The following PSMB7 variants were observed in gnomAD, a reference collection of about 807,000 sequenced individuals.
The protein encoded by PSMB7 is proteasome 20S subunit beta 7.
Under a neutral mutation model 28.1 loss-of-function variants are expected in PSMB7, and 5 were observed. The ratio of observed to expected loss-of-function variants is 0.18; its 90% CI spans 0.09 to 0.37. The LOEUF is 0.37. PSMB7 is among the 10% of genes least tolerant of loss of function. PSMB7 has a pLI of 1.00. For synonymous variants in PSMB7, 122 were observed against 123.7 expected, an observed-to-expected ratio of 0.99 and a Z score of 0.09; for missense variants, 275 against 346.2, an observed-to-expected ratio of 0.79 and a Z score of 1.63.
chr9:124,369,413 T>A (rs1830539719), intron 6 of PSMB7, among the ~76,000 whole-genome samples: 1 of 152,164 alleles, frequency 6.6e-6, no homozygotes, highest in Non-Finnish European at 1.5e-5. Context: ...CATCTCCCAA[T>A]TACACTGCAA....
intron 5 of PSMB7, among the ~76,000 whole-genome samples, chr9:124,399,009 C>CAAAAA (rs34386702): frequency 7.7e-6 from 1 of 129,300 alleles, no homozygotes; most frequent in Non-Finnish European, 1.6e-5. Context: ...AAGCTTTAAC[C>CAAAAA]AAAAAAAAAA....
At chr9:124,401,477 G>C (rs1348602135) in intron 5 of PSMB7, among the ~76,000 whole-genome samples, 5 of 152,252 alleles carry the variant, frequency 3.3e-5, no homozygotes, top group Non-Finnish European at 7.3e-5. Flanking sequence ...CTCCGCACTA[G>C]TGATGCTTAA....
chr9:124,393,417 T>A (rs958486689), intron 5 of PSMB7, among the ~76,000 whole-genome samples: 3 of 152,226 alleles, frequency 2.0e-5, no homozygotes, highest in African/African-American at 7.2e-5. Flanking sequence ...CACTGAGTAT[T>A]ACATTTAAAC....
chr9:124,399,803 T>C (rs147490931), intron 5 of PSMB7, among the ~76,000 whole-genome samples: 1 of 152,234 alleles, frequency 6.6e-6, no homozygotes, highest in Non-Finnish European at 1.5e-5. Flanking sequence ...CACCACTGGA[T>C]TCGTCCTCAC....
intron 5 of PSMB7, among the ~76,000 whole-genome samples, chr9:124,385,560 G>C (rs917785198): frequency 1.4e-4 from 22 of 152,228 alleles, no homozygotes; most frequent in Non-Finnish European, 5.9e-5. Flanking sequence ...CTTTTGGAGA[G>C]AGGATAGAGT....
At chr9:124,399,665 C>T (rs1304805649) in intron 5 of PSMB7, among the ~76,000 whole-genome samples, 1 of 152,182 alleles carries the variant, frequency 6.6e-6, no homozygotes, top group African/African-American at 2.4e-5. Flanking sequence ...ACACTGCAGC[C>T]AAGAGCCGCA....
At chr9:124,412,635 G>T in intron 3 of PSMB7, 143 bp from the exon 4 acceptor site, 4 of 789,394 alleles carry the variant, frequency 5.1e-6, no homozygotes, top group Non-Finnish European at 5.8e-6. Flanking sequence ...TCTCTGTTTA[G>T]TCAACCTTAA....
intron 6 of PSMB7, among the ~76,000 whole-genome samples, chr9:124,363,536 T>C (rs1217168833): frequency 1.3e-5 from 2 of 152,162 alleles, no homozygotes; most frequent in Admixed American, 6.5e-5. Flanking sequence ...TGTCTAGAGT[T>C]TGGAGTTTGG....
At chr9:124,395,115 A>T (rs991516931) in intron 5 of PSMB7, among the ~76,000 whole-genome samples, 2 of 152,222 alleles carry the variant, frequency 1.3e-5, no homozygotes, top group Non-Finnish European at 2.9e-5. Context: ...ATCTCACTTC[A>T]TGCTCACACA....
intron 5 of PSMB7, among the ~76,000 whole-genome samples, chr9:124,387,012 C>G (rs149188260): frequency 6.6e-6 from 1 of 152,064 alleles, no homozygotes; most frequent in African/African-American, 2.4e-5. Flanking sequence ...TTTGGGAGGC[C>G]GAGGTGGGCG....
intron 6 of PSMB7, among the ~76,000 whole-genome samples, chr9:124,360,663 C>A (rs868679632): frequency 3.9e-5 from 6 of 152,350 alleles, no homozygotes; most frequent in Middle Eastern, 3.4e-3. Context: ...ATCACCATGA[C>A]CCTGACGATT....
At position 124,353,480 on chromosome 9, in the gene PSMB7, G is replaced by A; in HGVS notation, c.*118C>T. 3 of 780,464 alleles carry A rather than the reference G, an allele frequency of 3.8e-6. No individual in the cohort carries two copies. The highest frequency in any genetic ancestry group is 6.4e-6 in the Non-Finnish European group (3 of 465,506). 48.3% of individuals were successfully genotyped at this position (780,464 alleles called of 1,614,324 possible). A position where few individuals can be genotyped will look rare whatever the true frequency, so the allele number is the denominator to read the frequency against. On this transcript the variant is annotated 3_prime_UTR_variant, in exon 8 of 8. Transcript: ENST00000259457. ...TGCCCAGACCTCAGCTGCCCAATTTGGTTTTTGTTTTTTATTGAGTTGAGT... is the reference window on the plus strand; with the variant it reads ...TGCCCAGACCTCAGCTGCCCAATTTAGTTTTTGTTTTTTATTGAGTTGAGT...
intron 6 of PSMB7, among the ~76,000 whole-genome samples, chr9:124,367,764 CG>C (rs1484558132): frequency 7.2e-5 from 11 of 152,142 alleles, no homozygotes; most frequent in African/African-American, 2.7e-4. Context: ...GAGGATGATA[CG>C]AAGTGTCATG....
At chr9:124,379,463 T>C (rs188939710) in intron 6 of PSMB7, among the ~76,000 whole-genome samples, 360 of 152,204 alleles carry the variant, frequency 2.4e-3, no homozygotes, top group South Asian at 5.0e-3. Flanking sequence ...AAATGAAAAT[T>C]AGAAGACCAC....
At position 124,393,863 on chromosome 9, in the gene PSMB7, C is replaced by T. The variant is rs962698647; in HGVS notation, c.512-9207G>A. ...CATTTTTTCCTTAAAACATAGGTGT[C>T]ACCTACCCCTGTTTAGAGGACAAAA... is the stretch of plus-strand genomic sequence containing the variant. On this transcript the variant is annotated intron_variant, in intron 5 of 7. Transcript: ENST00000259457. Among the ~76,000 whole-genome samples the T allele has an allele frequency of 2.0e-5, 3 of 152,176 alleles. No homozygotes were observed. The East Asian group carries it at 5.8e-4, about 29-fold the overall frequency.
intron 2 of PSMB7, 35 bp from the exon 3 acceptor site, chr9:124,414,040 A>G (rs1489385061): frequency 7.2e-7 from 1 of 1,395,586 alleles, no homozygotes; most frequent in South Asian, 1.2e-5. Context: ...CAATTTTACA[A>G]ATATAAGCCA....
At chr9:124,384,265 T>C (rs755648606) in intron 6 of PSMB7, 7 of 267,084 alleles carry the variant, frequency 2.6e-5, no homozygotes, top group Non-Finnish European at 4.2e-5. Context: ...CAGAAAAACC[T>C]GTCATTTTGA....
At chr9:124,414,737 T>C (rs771864540) in intron 2 of PSMB7, 105 bp downstream of exon 2, 48 of 872,188 alleles carry the variant, frequency 5.5e-5, no homozygotes, top group South Asian at 7.0e-5. Context: ...ATGTATTCTA[T>C]AGCATTTGCC....
rs947955745 is a variant in PSMB7 at position 124,353,511 on chromosome 9, T to C, written c.*87A>G. On this transcript the variant is annotated 3_prime_UTR_variant, in exon 8 of 8. Coordinates refer to ENST00000259457, the MANE Select transcript of PSMB7 (RefSeq NM_002799.4). ...TGTTTTTTATTGAGTTGAGTTTCAT[T>C]CGGCAAACACTAGCCACATGAGTGT... is the stretch of plus-strand genomic sequence containing the variant. 6.8e-6 allele frequency: 7 copies of C among 1,023,168 alleles called. No homozygotes were observed. In the African/African-American group the frequency reaches 1.1e-4, roughly 16 times the overall value. 63.4% of individuals were successfully genotyped at this position (1,023,168 alleles called of 1,614,324 possible). A position where few individuals can be genotyped will look rare whatever the true frequency, so the allele number is the denominator to read the frequency against.
Sources: allele counts gnomAD v4.1 joint callset (sites outside exome capture counted in the v4.1 genomes callset), GRCh38; gene constraint gnomAD v4.1.1; transcripts MANE v1.5; gene names NCBI Gene and HGNC (gene_info 2026-07-23, HGNC 2026-07-21).